SLCO1B3: variants seen among roughly 807,000 people sequenced by gnomAD.
SLCO1B3 encodes the protein liver-specific organic anion transporter 2.
In SLCO1B3, 72 loss-of-function variants were observed where a neutral mutation model predicts 71.8. That is an observed-to-expected ratio of 1.00 (90% CI 0.83 to 1.22). SLCO1B3 has a LOEUF of 1.22. Ranked by LOEUF, SLCO1B3 falls within the 50% of genes most tolerant of loss-of-function variation. SLCO1B3 has a pLI of 0.00. For synonymous variants in SLCO1B3, 298 were observed against 278.4 expected (o/e 1.07, Z -0.70); for missense variants, 911 against 819.7 (o/e 1.11, Z -1.36).
chr12:20,841,001 G>T (rs1588917), intron 3 of SLCO1B3, among the ~76,000 whole-genome samples: 1 of 151,984 alleles, frequency 6.6e-6, no homozygotes, highest in Middle Eastern at 3.2e-3. Context: ...AAAAAAGGGG[G>T]TCCTTGAATT....
At chr12:20,820,847 G>A (rs1820497186) in intron 3 of SLCO1B3, among the ~76,000 whole-genome samples, 1 of 152,052 alleles carries the variant, frequency 6.6e-6, no homozygotes, top group African/African-American at 2.4e-5. Flanking sequence ...TCTGATTTGG[G>A]ATAAAGAAAA....
chr12:20,904,454 T>C (rs982123903), intron 15 of SLCO1B3, among the ~76,000 whole-genome samples: 1 of 152,090 alleles, frequency 6.6e-6, no homozygotes, highest in African/African-American at 2.4e-5. Flanking sequence ...GCAAGAGATT[T>C]GTGCCCAAGG....
intron 15 of SLCO1B3, among the ~76,000 whole-genome samples, chr12:20,904,686 G>C (rs1040450021): frequency 4.9e-5 from 7 of 144,254 alleles, no homozygotes; most frequent in Non-Finnish European, 1.0e-4. Flanking sequence ...TTTTCTCTCT[G>C]TACTGCCCTA....
rs889485911 is a variant in SLCO1B3, at chr12:20,878,016, A to G, written c.1135+80A>G. 5.3e-6 allele frequency: 5 copies of G among 951,932 alleles called. No homozygotes were observed. In the East Asian group the frequency reaches 1.4e-4, roughly 27 times the overall value. The allele number at this position is 951,932 out of a possible 1,614,324, so 59.0% of individuals were successfully genotyped here. ...GTGTTCCAAGTCACATTTTATTATGAAGGTGATTTTATATTTTACTAAATG... is the reference window on the plus strand; with the variant it reads ...GTGTTCCAAGTCACATTTTATTATGGAGGTGATTTTATATTTTACTAAATG... On this transcript the variant is annotated intron_variant, in intron 10 of 15. Coordinates refer to ENST00000381545, the MANE Select transcript of SLCO1B3 (RefSeq NM_019844.4).
At chr12:20,851,883 G>A (rs1363849079) in intron 3 of SLCO1B3, among the ~76,000 whole-genome samples, 3 of 140,852 alleles carry the variant, frequency 2.1e-5, no homozygotes, top group Admixed American at 7.7e-5. Flanking sequence ...TGGATACCCA[G>A]TTTTCTCAAC....
Position 20,810,732 on chromosome 12 carries a change from C to CT in SLCO1B3, c.-211dup, listed in dbSNP as rs1423911458. 1.3e-5 allele frequency: 2 copies of CT among 152,180 alleles called. No individual in the cohort carries two copies. The highest frequency in any genetic ancestry group is 2.9e-5 in the Non-Finnish European group (2 of 68,016). 9.4% of individuals were successfully genotyped at this position (152,180 alleles called of 1,614,324 possible). On this transcript the variant is annotated 5_prime_UTR_variant, in exon 1 of 16. The change abolishes the stop of an existing upstream ORF in the 5' untranslated region. Transcript: ENST00000381545. ...ACTTTAACATCAGAAAAAGGATGGACTTGTTGCAGTTGCTGTAGCATTCAA... is the reference window on the plus strand; with the variant it reads ...ACTTTAACATCAGAAAAAGGATGGACTTTGTTGCAGTTGCTGTAGCATTCAA...
chr12:20,886,287 A>G (rs1305672359), intron 13 of SLCO1B3, among the ~76,000 whole-genome samples: 1 of 152,096 alleles, frequency 6.6e-6, no homozygotes, highest in African/African-American at 2.4e-5. Flanking sequence ...TGCCATATGT[A>G]GAAGCCACCA....
Position 20,815,668 on chromosome 12 carries a change from T to C in SLCO1B3, c.-65-6T>C. The C allele has an allele frequency of 1.0e-6, 1 of 999,750 alleles. No individual in the cohort carries two copies. The allele number at this position is 999,750 out of a possible 1,614,324, so 61.9% of individuals were successfully genotyped here. On this transcript the variant is annotated splice_polypyrimidine_tract_variant and splice_region_variant and intron_variant, in intron 2 of 15. Transcript: ENST00000381545. ...AAAATAAATTATACTTTTTCTTTTT[T>C]AACAGGTGATCATTTCAAACCAAGC...
chr12:20,862,931 A>G (rs1207995028), intron 8 of SLCO1B3, 77 bp downstream of exon 8: 4 of 743,268 alleles, frequency 5.4e-6, no homozygotes, highest in Non-Finnish European at 9.1e-6. Context: ...AATTAAATTC[A>G]GTCTTTCAAT....
At chr12:20,844,893 G>A (rs1864881243) in intron 3 of SLCO1B3, among the ~76,000 whole-genome samples, 1 of 151,826 alleles carries the variant, frequency 6.6e-6, no homozygotes, top group South Asian at 2.1e-4. Flanking sequence ...AGCCAGGTGT[G>A]GTGGTGCATG....
chr12:20,881,020 A>T lies in SLCO1B3; in HGVS notation c.1497A>T (p.Thr499=). 6.3e-7 allele frequency: 1 copy of T among 1,588,098 alleles called. No individual in the cohort carries two copies. The highest frequency in any genetic ancestry group is 8.6e-7 in the Non-Finnish European group (1 of 1,167,088). ...CCTCAAGTGGTATTAAAAAGCATAC[A>T]GTGAGTATTAGTTTTCACTTTTTCT... The part of the protein sequence containing the change: ...CKSSSGIKKH[T]VFYNCSCVEV... The change falls in exon 12 of 16, where the codon ACA becomes ACT. Residue 499 remains threonine, a splice_region_variant and synonymous_variant. Coordinates refer to ENST00000381545, the MANE Select transcript of SLCO1B3 (RefSeq NM_019844.4).
chr12:20,901,468 G>A lies in SLCO1B3; in HGVS notation c.1865+1G>A, dbSNP rs1273665048. The A allele has an allele frequency of 6.9e-7, 1 of 1,442,758 alleles. No homozygotes were observed. The highest frequency in any genetic ancestry group is 9.4e-7 in the Non-Finnish European group (1 of 1,062,632). 89.4% of individuals were successfully genotyped at this position (1,442,758 alleles called of 1,614,324 possible). A position where few individuals can be genotyped will look rare whatever the true frequency, so the allele number is the denominator to read the frequency against. ...GGATATATAATTCCGTATTTTTTGG[G>A]TAAGTTGTCGTAAACACATTTCATT... On this transcript the variant is annotated splice_donor_variant, in intron 15 of 15. Transcript: ENST00000381545. LOFTEE classifies it high-confidence loss of function.
intron 3 of SLCO1B3, among the ~76,000 whole-genome samples, chr12:20,826,024 T>C (rs1864414055): frequency 6.6e-6 from 1 of 152,148 alleles, no homozygotes; most frequent in Non-Finnish European, 1.5e-5. Flanking sequence ...AAAGATCTTC[T>C]ATATTATGTT....
chr12:20,854,804 CTAGCAATCGAATGTTG>C (rs1346731325), intron 3 of SLCO1B3, among the ~76,000 whole-genome samples: 19 of 152,138 alleles, frequency 1.2e-4, no homozygotes, highest in African/African-American at 4.6e-4. Flanking sequence ...CTATACTCCT[CTAGCAATCGAATGTTG>C]TAACCAAGTT....
chr12:20,845,446 G>T (rs896671377), intron 3 of SLCO1B3, among the ~76,000 whole-genome samples: 1 of 152,116 alleles, frequency 6.6e-6, no homozygotes, highest in Admixed American at 6.5e-5. Context: ...TGTGACTACC[G>T]CATTTGTCTC....
chr12:20,862,734 A>C (rs1295088854), intron 7 of SLCO1B3, 22 bp from the exon 8 acceptor site: 1 of 1,567,984 alleles, frequency 6.4e-7, no homozygotes. Context: ...CATCTGATTA[A>C]ATTGTTTTGT....
At chr12:20,839,234 A>G (rs1393427691) in intron 3 of SLCO1B3, among the ~76,000 whole-genome samples, 1 of 152,006 alleles carries the variant, frequency 6.6e-6, no homozygotes, top group Non-Finnish European at 1.5e-5. Flanking sequence ...TTTTTAATTT[A>G]CCTTCACTTA....
chr12:20,834,122 T>G (rs1031585218), intron 3 of SLCO1B3, among the ~76,000 whole-genome samples: 13 of 144,056 alleles, frequency 9.0e-5, no homozygotes, highest in Non-Finnish European at 1.8e-4. Flanking sequence ...TACATAGATA[T>G]AATACATACA....
At chr12:20,908,639 T>C (rs1457596437) in intron 15 of SLCO1B3, among the ~76,000 whole-genome samples, 2 of 152,212 alleles carry the variant, frequency 1.3e-5, no homozygotes, top group African/African-American at 4.8e-5. Context: ...ATTATACATT[T>C]TGTAGCCTTT....
Sources: gnomAD v4.1 joint callset for allele counts (sites outside exome capture counted in the v4.1 genomes callset) on GRCh38, gnomAD v4.1.1 for gene constraint, MANE v1.5 for transcripts, NCBI Gene and HGNC (gene_info 2026-07-23, HGNC 2026-07-21) for gene names.